Variants in CTNNBL1 observed in about 807,000 individuals in gnomAD.
The protein encoded by CTNNBL1 is catenin beta like 1.
In CTNNBL1, 31 loss-of-function variants were observed where a neutral mutation model predicts 72.7. The ratio of observed to expected loss-of-function variants is 0.43; its 90% CI spans 0.32 to 0.58. The LOEUF is 0.58. CTNNBL1 is among the 20% of genes least tolerant of loss of function. CTNNBL1 has a pLI of 0.08. For synonymous variants in CTNNBL1, 240 were observed against 267.3 expected (o/e 0.90, Z 1.00); for missense variants, 534 against 725.1 (o/e 0.74, Z 3.03).
At chr20:37,816,609 T>C (rs1725598657) in intron 11 of CTNNBL1, among the ~76,000 whole-genome samples, 1 of 152,158 alleles carries the variant, frequency 6.6e-6, no homozygotes, top group Non-Finnish European at 1.5e-5. Flanking sequence ...GACATGGTAG[T>C]GTTGTGGTGT....
intron 11 of CTNNBL1, among the ~76,000 whole-genome samples, chr20:37,838,431 C>G (rs934178385): frequency 6.6e-6 from 1 of 152,134 alleles, no homozygotes; most frequent in Non-Finnish European, 1.5e-5. Context: ...GAAGGTAAAG[C>G]TGATGAGGTT....
intron 1 of CTNNBL1, among the ~76,000 whole-genome samples, chr20:37,703,542 T>TC (rs1187104988): frequency 6.6e-6 from 1 of 152,244 alleles, no homozygotes; most frequent in Non-Finnish European, 1.5e-5. Context: ...TTCATTCTTT[T>TC]CCTTTCAGCA....
At chr20:37,757,868 T>G (rs2073378894) in intron 5 of CTNNBL1, among the ~76,000 whole-genome samples, 1 of 152,202 alleles carries the variant, frequency 6.6e-6, no homozygotes. Flanking sequence ...CTCGCCCTTA[T>G]TAAGTCTCTG....
intron 10 of CTNNBL1, among the ~76,000 whole-genome samples, chr20:37,786,854 A>G (rs761497032): frequency 3.3e-5 from 5 of 152,170 alleles, no homozygotes; most frequent in Non-Finnish European, 5.9e-5. Context: ...TTCCTATTAC[A>G]TTAACAGAAA....
At chr20:37,786,404 C>T (rs1031948998) in intron 10 of CTNNBL1, among the ~76,000 whole-genome samples, 1 of 152,224 alleles carries the variant, frequency 6.6e-6, no homozygotes, top group Admixed American at 6.5e-5. Context: ...GAGCCAGAGC[C>T]TGGACTTGGG....
At chr20:37,716,600 C>A (rs2072988544) in intron 1 of CTNNBL1, among the ~76,000 whole-genome samples, 1 of 152,126 alleles carries the variant, frequency 6.6e-6, no homozygotes, top group African/African-American at 2.4e-5. Flanking sequence ...AAATAAAGTG[C>A]ATCTTACACA....
intron 11 of CTNNBL1, among the ~76,000 whole-genome samples, chr20:37,803,458 C>T (rs565098338): frequency 2.2e-4 from 33 of 152,244 alleles, no homozygotes; most frequent in Non-Finnish European, 4.0e-4. Flanking sequence ...CAGGAATTGC[C>T]GAAATAAACT....
chr20:37,701,768 A>T (rs1239313662), intron 1 of CTNNBL1, among the ~76,000 whole-genome samples: 1 of 152,172 alleles, frequency 6.6e-6, no homozygotes, highest in Non-Finnish European at 1.5e-5. Flanking sequence ...GTCGGAGACG[A>T]TGGGGGTCAT....
chr20:37,798,292 C>T lies in CTNNBL1; in HGVS notation c.1032-4575C>T, dbSNP rs149431148. On this transcript the variant is annotated intron_variant, in intron 10 of 15. Coordinates refer to ENST00000361383, the MANE Select transcript of CTNNBL1 (RefSeq NM_030877.5). The stretch of plus-strand genomic sequence containing the variant: ...AAGAAGAATAAGCTAATTAAAACTA[C>T]AACAGAAAACGTTTTCTCCCACATC... 1.5e-3 allele frequency among the ~76,000 whole-genome samples: 229 copies of T among 152,286 alleles called. 1 individual carries two copies. In the Middle Eastern group the frequency reaches 0.017, roughly 11 times the overall value.
At position 37,869,326 on chromosome 20, in the gene CTNNBL1, C is replaced by T. The variant is rs1442205131; in HGVS notation, c.1604-2599C>T. ...TGAGAGGTCACATGCTTTGTCTCCC[C>T]AGTCTTTGTCTGGTTTGGATCAGCA... On this transcript the variant is annotated intron_variant, in intron 15 of 15. Transcript: ENST00000361383. Among the ~76,000 whole-genome samples the T allele has an allele frequency of 2.0e-5, 3 of 152,212 alleles. No individual in the cohort carries two copies. In the South Asian group the frequency reaches 6.2e-4, roughly 32 times the overall value.
At chr20:37,726,418 C>T (rs1051908106) in intron 1 of CTNNBL1, among the ~76,000 whole-genome samples, 15 of 152,158 alleles carry the variant, frequency 9.9e-5, no homozygotes, top group Non-Finnish European at 1.5e-4. Flanking sequence ...AAAGGAAAAG[C>T]ACTATATTGG....
chr20:37,872,032 C>A lies in CTNNBL1; in HGVS notation c.*19C>A. On this transcript the variant is annotated 3_prime_UTR_variant, in exon 16 of 16. Coordinates refer to ENST00000361383, the MANE Select transcript of CTNNBL1 (RefSeq NM_030877.5). ...CTTCTAGAGGCACCTTGGCCCTGCG[C>A]ATCATGGACTCTCTCAGCTTCCCTC... 1 of 1,592,050 alleles carries A rather than the reference C, an allele frequency of 6.3e-7. No homozygotes were observed. The highest frequency in any genetic ancestry group is 8.6e-7 in the Non-Finnish European group (1 of 1,159,970).
intron 12 of CTNNBL1, among the ~76,000 whole-genome samples, chr20:37,840,774 A>G (rs1019478409): frequency 1.4e-4 from 21 of 151,900 alleles, no homozygotes; most frequent in African/African-American, 3.4e-4. Context: ...GGATTGGGCT[A>G]TGGAAGCTGG....
At chr20:37,731,785 T>C (rs2073131100) in intron 1 of CTNNBL1, among the ~76,000 whole-genome samples, 1 of 152,252 alleles carries the variant, frequency 6.6e-6, no homozygotes. Context: ...AATTCTATTG[T>C]GTATGTATAC....
chr20:37,841,639 G>A (rs1433259692), intron 12 of CTNNBL1, among the ~76,000 whole-genome samples: 1 of 152,200 alleles, frequency 6.6e-6, no homozygotes, highest in Non-Finnish European at 1.5e-5. Flanking sequence ...CTGATAAAAA[G>A]ATAAGTCAGG....
intron 5 of CTNNBL1, among the ~76,000 whole-genome samples, chr20:37,758,746 T>G (rs1399573209): frequency 6.6e-6 from 1 of 152,234 alleles, no homozygotes; most frequent in African/African-American, 2.4e-5. Context: ...CTGGTAAGAA[T>G]GTTAGTATTG....
At chr20:37,863,336 G>A (rs899128924) in intron 15 of CTNNBL1, among the ~76,000 whole-genome samples, 9 of 152,224 alleles carry the variant, frequency 5.9e-5, no homozygotes, top group African/African-American at 2.2e-4. Flanking sequence ...TCCAGTCCTA[G>A]AGATACTAAA....
At chr20:37,742,197 A>G (rs569777239) in intron 3 of CTNNBL1, among the ~76,000 whole-genome samples, 1 of 152,206 alleles carries the variant, frequency 6.6e-6, no homozygotes, top group Non-Finnish European at 1.5e-5. Context: ...CTCCTAAAAG[A>G]TGGTTCCTTG....
chr20:37,732,905 G>A lies in CTNNBL1; in HGVS notation c.57G>A (p.Arg19=), dbSNP rs759434390. The change falls in exon 2 of 16, where the codon CGG becomes CGA. Residue 19 remains arginine, a synonymous_variant. Transcript: ENST00000361383. ...CCAATAGGGGCACAAAACGTCCCCG[G>A]GATGATGAAGAGGAGGAGCAGAAGA... ...YQPNRGTKRP[R]DDEEEEQKMR... The A allele has an allele frequency of 6.2e-7, 1 of 1,613,896 alleles. No homozygotes were observed.
Sources: allele counts gnomAD v4.1 joint callset (sites outside exome capture counted in the v4.1 genomes callset), GRCh38; gene constraint gnomAD v4.1.1; transcripts MANE v1.5; gene names NCBI Gene and HGNC (gene_info 2026-07-23, HGNC 2026-07-21).